The following CAST variants were observed in gnomAD, a reference collection of about 807,000 sequenced individuals.
CAST encodes the protein calpastatin, also known as MIR583 host.
Under a neutral mutation model 119.6 loss-of-function variants are expected in CAST, and 76 were observed. The ratio of observed to expected loss-of-function variants is 0.64; its 90% CI spans 0.53 to 0.77. CAST has a LOEUF of 0.77. Ranked by LOEUF, CAST falls within the 30% of genes least tolerant of loss-of-function variation. The probability of loss-of-function intolerance (pLI) is 0.00; values close to 1 mark genes in which losing one functional copy is unlikely to be tolerated. For missense variants in CAST, 953 were observed against 946.5 expected (o/e 1.01, Z -0.09); for synonymous variants, 319 against 331.6 (o/e 0.96, Z 0.41).
At chr5:96,658,403 C>A (rs1748193798), upstream of CAST, among the ~76,000 whole-genome samples, 1 of 152,048 alleles carries the variant, frequency 6.6e-6, no homozygotes, top group East Asian at 1.9e-4. Context: ...AGCGTGAATT[C>A]TGGCTGCCAG....
the CAST span, among the ~76,000 whole-genome samples, chr5:95,996,448 T>C: frequency 1.3e-5 from 2 of 152,216 alleles, no homozygotes; most frequent in African/African-American, 2.4e-5. Flanking sequence ...TTTCATGATA[T>C]TGATACTTTT....
intron 1 of CAST, among the ~76,000 whole-genome samples, chr5:96,599,029 C>G (rs1043060837): frequency 1.5e-4 from 23 of 152,164 alleles, no homozygotes; most frequent in African/African-American, 5.3e-4. Context: ...AGCTTCTGAC[C>G]GTGGATCTCT....
the CAST span, among the ~76,000 whole-genome samples, chr5:96,115,327 C>A: frequency 6.6e-6 from 1 of 152,188 alleles, no homozygotes; most frequent in Admixed American, 6.5e-5. Context: ...TAAAAACAAA[C>A]CCTGTCTTAT....
chr5:96,561,893 C>T (rs1396060519), intron 1 of CAST, among the ~76,000 whole-genome samples: 1 of 143,136 alleles, frequency 7.0e-6, no homozygotes, highest in African/African-American at 2.6e-5. Flanking sequence ...CCCAGGTTCA[C>T]GCCATTCTCC....
the CAST span, among the ~76,000 whole-genome samples, chr5:96,431,084 T>C: frequency 6.6e-6 from 1 of 152,284 alleles, no homozygotes; most frequent in East Asian, 1.9e-4. Flanking sequence ...GCTCAAGGAA[T>C]ACACAATTAA....
At chr5:96,727,990 A>T (rs1759601686) in intron 6 of CAST, among the ~76,000 whole-genome samples, 1 of 152,114 alleles carries the variant, frequency 6.6e-6, no homozygotes, top group Non-Finnish European at 1.5e-5. Flanking sequence ...GTCTTACCTC[A>T]GTTGGTGGAG....
intron 16 of CAST, among the ~76,000 whole-genome samples, chr5:96,745,503 A>G (rs1052589674): frequency 6.6e-6 from 1 of 152,226 alleles, no homozygotes; most frequent in Non-Finnish European, 1.5e-5. Context: ...CTCTTAGGCT[A>G]AGATGCAGAT....
chr5:96,615,657 G>C (rs1747441395), intron 1 of CAST, among the ~76,000 whole-genome samples: 1 of 152,120 alleles, frequency 6.6e-6, no homozygotes, highest in African/African-American at 2.4e-5. Flanking sequence ...GTAGTGAGTA[G>C]GGAATCAGGA....
the CAST span, among the ~76,000 whole-genome samples, chr5:96,298,361 A>G: frequency 6.6e-6 from 1 of 152,208 alleles, no homozygotes; most frequent in Non-Finnish European, 1.5e-5. Flanking sequence ...CCAATAAATT[A>G]ATCTTTGTTT....
At chr5:96,345,370 G>A in the CAST span, among the ~76,000 whole-genome samples, 1 of 152,044 alleles carries the variant, frequency 6.6e-6, no homozygotes, top group Admixed American at 6.6e-5. Flanking sequence ...AAATCTACCA[G>A]AAACAGGAGA....
chr5:96,664,294 T>C (rs953783408), intron 1 of CAST, among the ~76,000 whole-genome samples: 1 of 151,720 alleles, frequency 6.6e-6, no homozygotes, highest in Non-Finnish European at 1.5e-5. Context: ...ATATTTACAG[T>C]GTGTGTGCAT....
At chr5:96,480,166 C>T in the CAST span, among the ~76,000 whole-genome samples, 18 of 152,068 alleles carry the variant, frequency 1.2e-4, no homozygotes, top group South Asian at 4.2e-4. Context: ...ATCTGTAGGA[C>T]GGAGCATAAC....
At position 96,571,346 on chromosome 5, in the gene CAST, G is replaced by A. The variant is rs148233774; in HGVS notation, c.60+41466G>A. On this transcript the variant is annotated intron_variant, in intron 1 of 11. Coordinates refer to the CAST transcript ENST00000505143. ...TTGCTCATTAATACCTCTCCACTTTGACCAGTAGAAACTGCTCCACCCTTC... is the reference window on the plus strand; with the variant it reads ...TTGCTCATTAATACCTCTCCACTTTAACCAGTAGAAACTGCTCCACCCTTC... Among the ~76,000 whole-genome samples, 6 of 152,254 alleles carry A rather than the reference G, an allele frequency of 3.9e-5. No individual in the cohort carries two copies. The East Asian group carries it at 1.2e-3, about 29-fold the overall frequency.
At chr5:96,093,649 A>G in the CAST span, among the ~76,000 whole-genome samples, 385 of 152,370 alleles carry the variant, frequency 2.5e-3, 1 homozygote, top group Non-Finnish European at 3.7e-3. Flanking sequence ...GGCCTGTTTG[A>G]TACTGTCACT....
At chr5:96,135,300 G>T in the CAST span, among the ~76,000 whole-genome samples, 1 of 152,220 alleles carries the variant, frequency 6.6e-6, no homozygotes, top group Non-Finnish European at 1.5e-5. Context: ...CAGCCAGGAA[G>T]AAAATGATGG....
chr5:96,293,939 T>C, the CAST span, among the ~76,000 whole-genome samples: 1 of 152,012 alleles, frequency 6.6e-6, no homozygotes, highest in African/African-American at 2.4e-5. Flanking sequence ...TTTGTATTTT[T>C]AGTAGAGATG....
chr5:96,043,688 T>G, the CAST span, among the ~76,000 whole-genome samples: 1 of 152,192 alleles, frequency 6.6e-6, no homozygotes, highest in African/African-American at 2.4e-5. Flanking sequence ...AAGAAACCTT[T>G]TTCAGAAGCA....
intron 10 of CAST, 39 bp from the exon 11 acceptor site, chr5:96,737,810 T>A (rs1260347538): frequency 8.3e-7 from 1 of 1,198,090 alleles, no homozygotes; most frequent in African/African-American, 1.5e-5. Context: ...GAAATATGTA[T>A]AACAAATAAC....
At chr5:96,564,744 C>T (rs975932840) in intron 1 of CAST, among the ~76,000 whole-genome samples, 3 of 152,156 alleles carry the variant, frequency 2.0e-5, no homozygotes, top group African/African-American at 7.2e-5. Flanking sequence ...CGTGGTGAAA[C>T]CCCATCACTA....
Sources: gnomAD v4.1 joint callset for allele counts (sites outside exome capture counted in the v4.1 genomes callset) on GRCh38, gnomAD v4.1.1 for gene constraint, MANE v1.5 for transcripts, NCBI Gene and HGNC (gene_info 2026-07-23, HGNC 2026-07-21) for gene names.